ABCA13: variants seen among roughly 807,000 people sequenced by gnomAD.
ABCA13 encodes ATP binding cassette subfamily A member 13.
In ABCA13, 476 loss-of-function variants were observed where a neutral mutation model predicts 478.7. The observed-to-expected ratio is 0.99, with a 90% CI of 0.92 to 1.07. ABCA13 has a LOEUF of 1.07. Among genes scored for constraint, ABCA13 ranks in the 50% least tolerant of loss-of-function variants. The probability of loss-of-function intolerance (pLI) is 0.00; values close to 1 mark genes in which losing one functional copy is unlikely to be tolerated. For missense variants in ABCA13, 6,060 were observed against 5,910.6 expected (o/e 1.03, Z -0.83); for synonymous variants, 2,252 against 2,158.9 (o/e 1.04, Z -1.20).
At chr7:48,427,938 C>A in intron 42 of ABCA13, 67 bp downstream of exon 42, 2 of 1,122,690 alleles carry the variant, frequency 1.8e-6, no homozygotes, top group East Asian at 5.0e-5. Context: ...TTCAACATCC[C>A]TTGTTTTAAA....
At chr7:48,630,697 G>A (rs778490144) in intron 59 of ABCA13, among the ~76,000 whole-genome samples, 3 of 152,152 alleles carry the variant, frequency 2.0e-5, no homozygotes, top group Admixed American at 6.6e-5. Context: ...AGGTTGAATG[G>A]TAGCTCTGTT....
rs763218652 is a variant in ABCA13 at position 48,403,682 on chromosome 7, G to A, written c.11874-1G>A. On this transcript the variant is annotated splice_acceptor_variant, in intron 38 of 61. Transcript: ENST00000435803. LOFTEE classifies it high-confidence loss of function. ...AGAGTGATGTTTTCTTCTAATTTCA[G>A]AACTCTTCAGGATGTGGACTTAACT... 1 of 1,613,468 alleles carries A rather than the reference G, an allele frequency of 6.2e-7. No homozygotes were observed. The highest frequency in any genetic ancestry group is 1.3e-5 in the African/African-American group (1 of 75,036).
chr7:48,236,777 A>T (rs922648136), intron 8 of ABCA13, among the ~76,000 whole-genome samples: 1 of 152,152 alleles, frequency 6.6e-6, no homozygotes, highest in African/African-American at 2.4e-5. Flanking sequence ...ACAACATAAC[A>T]TATTCATGGG....
intron 55 of ABCA13, among the ~76,000 whole-genome samples, chr7:48,565,428 T>C (rs1786948265): frequency 1.3e-5 from 2 of 152,194 alleles, no homozygotes; most frequent in South Asian, 4.1e-4. Flanking sequence ...TGAATGACTG[T>C]TTTCTCTTAT....
At chr7:48,510,972 C>A in intron 50 of ABCA13, 112 bp from the exon 51 acceptor site, 2 of 915,678 alleles carry the variant, frequency 2.2e-6, no homozygotes, top group Non-Finnish European at 3.4e-6. Flanking sequence ...TCCTAATGTG[C>A]AAAATAGGAA....
At chr7:48,226,145 C>CA (rs1209367510) in intron 5 of ABCA13, among the ~76,000 whole-genome samples, 1 of 151,972 alleles carries the variant, frequency 6.6e-6, no homozygotes, top group Non-Finnish European at 1.5e-5. Context: ...ATAATGAAAA[C>CA]AAAATGAAGA....
chr7:48,300,172 T>A (rs1174465435), intron 23 of ABCA13, among the ~76,000 whole-genome samples: 1 of 152,238 alleles, frequency 6.6e-6, no homozygotes, highest in Non-Finnish European at 1.5e-5. Flanking sequence ...TCTTTCTTCC[T>A]GGGTTTCTCT....
In ABCA13 at chr7:48,392,021, G is replaced by A. The variant is rs774270568; in HGVS notation, c.11755G>A (p.Val3919Met). Residue 3919 changes from valine (V) to methionine (M), a missense_variant, in exon 38 of 62, where the codon GTG becomes ATG. By Grantham distance (21) the Val-to-Met change is conservative. Coordinates refer to ENST00000435803, the MANE Select transcript of ABCA13 (RefSeq NM_152701.5). ...GTCGAGGGTCAGAATGGAGCTTGGT[G>A]TGTGTCCGCAGCAGGACATCCTGTT... ...DLSRVRMELGVCPQQDILLDN... is the reference protein window; with the variant it reads ...DLSRVRMELGMCPQQDILLDN... 11 of 1,614,018 alleles carry A rather than the reference G, an allele frequency of 6.8e-6. No individual in the cohort carries two copies. Among genetic ancestry groups the A allele is most frequent in the Non-Finnish European group, 9.3e-6 (11 of 1,179,888 alleles).
intron 3 of ABCA13, among the ~76,000 whole-genome samples, chr7:48,199,404 T>C (rs1019013681): frequency 6.6e-6 from 1 of 152,190 alleles, no homozygotes; most frequent in African/African-American, 2.4e-5. Context: ...CCATTATAAA[T>C]GACACCTTCC....
rs931685873 is a variant in ABCA13, at chr7:48,392,931, C to T, written c.11873+792C>T. 3.9e-5 allele frequency among the ~76,000 whole-genome samples: 6 copies of T among 152,200 alleles called. No individual in the cohort carries two copies. The South Asian group carries it at 8.3e-4, about 21-fold the overall frequency. ...AATTGGTAGGACATTGGTTGGTCCACATGGGGGGCTGAACCCTATATGAAA... is the reference window on the plus strand; with the variant it reads ...AATTGGTAGGACATTGGTTGGTCCATATGGGGGGCTGAACCCTATATGAAA... On this transcript the variant is annotated intron_variant, in intron 38 of 61. Transcript: ENST00000435803.
In ABCA13 at chr7:48,352,277, T is replaced by C; in HGVS notation, c.10478T>C (p.Leu3493Ser). The C allele has an allele frequency of 2.5e-6, 4 of 1,613,888 alleles. No homozygotes were observed. The highest frequency in any genetic ancestry group is 2.5e-6 in the Non-Finnish European group (3 of 1,179,888). Residue 3493 changes from leucine (L) to serine (S), a missense_variant, in exon 31 of 62, where the codon TTA becomes TCA. Leu to Ser is a moderately radical substitution (Grantham distance 145). Coordinates refer to ENST00000435803, the MANE Select transcript of ABCA13 (RefSeq NM_152701.5). ...HVSYTIRTNV[L>S]YSVRTDVVKN... ...TCATACACAATCCGGACCAATGTGT[T>C]ATACAGCGTGCGAACAGATGTGGTA...
At chr7:48,561,581 T>C (rs1227797821) in intron 55 of ABCA13, among the ~76,000 whole-genome samples, 1 of 152,214 alleles carries the variant, frequency 6.6e-6, no homozygotes, top group Non-Finnish European at 1.5e-5. Flanking sequence ...AATTAGATTA[T>C]TGGTTTTCTT....
In ABCA13 at chr7:48,516,769, C is replaced by T. The variant is rs535101423; in HGVS notation, c.13685C>T (p.Ser4562Phe). Residue 4562 changes from serine to phenylalanine, a missense_variant, in exon 52 of 62, where the codon TCC becomes TTC. Around this residue, in one of 3 missense-constraint regions of ABCA13, gnomAD observed 1,627 missense variants for 1,571.0 expected, o/e 1.04. Coordinates refer to ENST00000435803, the MANE Select transcript of ABCA13 (RefSeq NM_152701.5). ...ATGTACCTGATGTCCAGAATCTTTT[C>T]CAGTTCGGACGTGGCTTTCATTTCC... ...PWMYLMSRIF[S>F]SSDVAFISYV... 3 of 1,613,834 alleles carry T rather than the reference C, an allele frequency of 1.9e-6. No homozygotes were observed. The South Asian group carries it at 3.3e-5, about 18-fold the overall frequency.
chr7:48,233,663 T>C (rs745782289), intron 7 of ABCA13, among the ~76,000 whole-genome samples: 6 of 152,234 alleles, frequency 3.9e-5, no homozygotes, highest in Non-Finnish European at 7.3e-5. Flanking sequence ...CAATAAAATA[T>C]TGTCGTACCT....
intron 2 of ABCA13, 75 bp from the exon 3 acceptor site, chr7:48,198,162 C>A: frequency 7.1e-7 from 1 of 1,410,334 alleles, no homozygotes; most frequent in Non-Finnish European, 9.6e-7. Flanking sequence ...TTATATATTA[C>A]AATTTCAACT....
At chr7:48,587,049 C>G (rs7778411) in intron 56 of ABCA13, 105 bp from the exon 57 acceptor site, 968,014 of 1,452,498 alleles carry the variant, frequency 0.67, 325,057 homozygotes, top group African/African-American at 0.85. Flanking sequence ...GTGTGAAGGT[C>G]GGCAGGGTTA....
At chr7:48,590,114 T>C (rs1316815524) in intron 57 of ABCA13, among the ~76,000 whole-genome samples, 1 of 152,176 alleles carries the variant, frequency 6.6e-6, no homozygotes. Context: ...TTCTACTCTC[T>C]CTTCCTATGT....
At chr7:48,228,600 A>G (rs1241763994) in intron 6 of ABCA13, among the ~76,000 whole-genome samples, 2 of 152,108 alleles carry the variant, frequency 1.3e-5, no homozygotes, top group African/African-American at 4.8e-5. Flanking sequence ...GGAGGAGTGG[A>G]CTGAAGGTTG....
chr7:48,515,486 A>G (rs1322031250), intron 51 of ABCA13, among the ~76,000 whole-genome samples: 1 of 152,140 alleles, frequency 6.6e-6, no homozygotes, highest in Non-Finnish European at 1.5e-5. Flanking sequence ...TTAGATCCTG[A>G]TGTCATCTGA....
Sources: allele counts gnomAD v4.1 joint callset (sites outside exome capture counted in the v4.1 genomes callset), GRCh38; gene constraint gnomAD v4.1.1; regional missense constraint gnomAD v4.1.1; transcripts MANE v1.5; gene names NCBI Gene and HGNC (gene_info 2026-07-23, HGNC 2026-07-21).